KLF13: variants seen among roughly 807,000 people sequenced by gnomAD.
KLF13 encodes the protein KLF transcription factor 13.
A neutral mutation model predicts 16.7 loss-of-function variants in KLF13; 8 were observed. The ratio of observed to expected loss-of-function variants is 0.48; its 90% CI spans 0.28 to 0.87. The LOEUF is 0.87. Among genes scored for constraint, KLF13 ranks in the 40% least tolerant of loss-of-function variants. The probability of loss-of-function intolerance (pLI) is 0.10; values close to 1 mark genes in which losing one functional copy is unlikely to be tolerated. For missense variants in KLF13, 447 were observed against 452.2 expected (o/e 0.99, Z 0.10); for synonymous variants, 245 against 208.4 (o/e 1.18, Z -1.51).
chr15:31,400,020 G>A (rs564596046), intron 2 of KLF13, among the ~76,000 whole-genome samples: 1 of 152,282 alleles, frequency 6.6e-6, no homozygotes, highest in East Asian at 1.9e-4. Flanking sequence ...AAACCCTCAG[G>A]CTGCCGTCAG....
intron 1 of KLF13, among the ~76,000 whole-genome samples, chr15:31,334,573 G>T (rs551828313): frequency 2.0e-5 from 3 of 151,902 alleles, no homozygotes; most frequent in African/African-American, 4.8e-5. Flanking sequence ...GATTACAGGC[G>T]CCTGCCACCG....
rs925494257 is a variant in KLF13 at position 31,327,075 on chromosome 15, C to CGCCCA, written c.-118_-114dup. Reference sequence around the variant, plus strand: ...GCGGGTGACGGCACAGGCGGCTGCGCGCCCAGCCCAGCCCAGCCCAGCCCG... The same window carrying CGCCCA: ...GCGGGTGACGGCACAGGCGGCTGCGCGCCCAGCCCAGCCCAGCCCAGCCCAGCCCG... On this transcript the variant is annotated 5_prime_UTR_variant, in exon 1 of 2. Transcript: ENST00000307145. The CGCCCA allele has an allele frequency of 2.7e-4, 200 of 737,366 alleles. No individual in the cohort carries two copies. The highest frequency in any genetic ancestry group is 7.7e-4 in the African/African-American group (41 of 52,952). The allele number at this position is 737,366 out of a possible 1,614,324, so 45.7% of individuals were successfully genotyped here.
At chr15:31,432,011 G>A (rs181759807) in intron 1 of KLF13, among the ~76,000 whole-genome samples, 2 of 151,894 alleles carry the variant, frequency 1.3e-5, no homozygotes, top group East Asian at 3.9e-4. Flanking sequence ...GATGCAAGTG[G>A]TGGCTACACA....
intron 2 of KLF13, among the ~76,000 whole-genome samples, chr15:31,394,325 C>A (rs963642035): frequency 2.6e-5 from 4 of 151,286 alleles, no homozygotes; most frequent in Non-Finnish European, 5.9e-5. Flanking sequence ...AAAAAAAATA[C>A]AAAAACAAAA....
chr15:31,399,417 G>A (rs959622102), intron 2 of KLF13, among the ~76,000 whole-genome samples: 2 of 152,110 alleles, frequency 1.3e-5, no homozygotes, highest in African/African-American at 4.8e-5. Flanking sequence ...CACCCACCTC[G>A]GCCTCCCAAA....
intron 1 of KLF13, among the ~76,000 whole-genome samples, chr15:31,366,764 G>GTA: frequency 5.5e-4 from 1 of 1,810 alleles, no homozygotes; most frequent in Non-Finnish European, 1.6e-3. Flanking sequence ...ACTGTACTCG[G>GTA]CTGCACGCAG....
chr15:31,367,487 A>G (rs2039492788), intron 1 of KLF13, among the ~76,000 whole-genome samples: 1 of 152,182 alleles, frequency 6.6e-6, no homozygotes, highest in Non-Finnish European at 1.5e-5. Context: ...CCTGGCACCA[A>G]CGTCCCATCC....
In KLF13 at chr15:31,410,621, A is replaced by ACC. The variant is rs1211301158; in HGVS notation, n.117+16931_117+16932insCC. ...CACACACACACACACACACACACAC[A>ACC]CACACCCCTATAACATCAAAGTAAA... On this transcript the variant is annotated intron_variant and non_coding_transcript_variant, in intron 1 of 1. Coordinates refer to the KLF13 transcript ENST00000558225. Among the ~76,000 whole-genome samples the ACC allele has an allele frequency of 7.2e-3, 1,036 of 144,832 alleles. 36 individuals carry two copies. Among genetic ancestry groups the ACC allele is most frequent in the African/African-American group, 0.026 (999 of 38,652 alleles).
At chr15:31,407,726 A>G (rs538624357), downstream of KLF13, among the ~76,000 whole-genome samples, 2 of 152,334 alleles carry the variant, frequency 1.3e-5, no homozygotes, top group African/African-American at 4.8e-5. Flanking sequence ...CCAGGAACTC[A>G]AAGATGATTC....
intron 1 of KLF13, among the ~76,000 whole-genome samples, chr15:31,330,202 A>G (rs2038802068): frequency 6.6e-6 from 1 of 152,220 alleles, no homozygotes. Flanking sequence ...AAGGCAGGGC[A>G]CAAGGTGATG....
downstream of KLF13, among the ~76,000 whole-genome samples, chr15:31,378,724 A>G (rs964424404): frequency 6.6e-6 from 1 of 152,080 alleles, no homozygotes; most frequent in African/African-American, 2.4e-5. Flanking sequence ...TTTTTGAGAC[A>G]CAGTCTCGCT....
At chr15:31,351,739 C>T (rs1402632876) in intron 1 of KLF13, among the ~76,000 whole-genome samples, 5 of 152,130 alleles carry the variant, frequency 3.3e-5, no homozygotes, top group East Asian at 1.9e-4. Flanking sequence ...ACACCGGGCG[C>T]GGTGGCTCAT....
intron 1 of KLF13, among the ~76,000 whole-genome samples, chr15:31,352,022 AAGGG>A (rs2039224720): frequency 6.6e-6 from 1 of 152,024 alleles, no homozygotes; most frequent in Non-Finnish European, 1.5e-5. Context: ...AAAAAAAAAA[AAGGG>A]AGGCGGGGGG....
intron 1 of KLF13, among the ~76,000 whole-genome samples, chr15:31,328,862 A>G (rs1461387127): frequency 6.6e-6 from 1 of 151,952 alleles, no homozygotes; most frequent in Non-Finnish European, 1.5e-5. Context: ...CTTCTGTGAC[A>G]CTCACCTCTT....
chr15:31,368,973 A>G (rs999553117), intron 1 of KLF13, among the ~76,000 whole-genome samples: 5 of 152,210 alleles, frequency 3.3e-5, no homozygotes. Context: ...GGTTACTGCC[A>G]TAAATGAACT....
chr15:31,413,205 AAAAAC>A (rs2040217342), intron 1 of KLF13, among the ~76,000 whole-genome samples: 1 of 134,706 alleles, frequency 7.4e-6, no homozygotes, highest in Non-Finnish European at 1.7e-5. Context: ...AAAAAAAACA[AAAAAC>A]AAAAAAACCA....
chr15:31,414,276 T>C (rs1004319269), intron 1 of KLF13, among the ~76,000 whole-genome samples: 1 of 152,052 alleles, frequency 6.6e-6, no homozygotes, highest in Admixed American at 6.5e-5. Context: ...AAATATTTAC[T>C]TAATGCAGAA....
intron 2 of KLF13, among the ~76,000 whole-genome samples, chr15:31,397,929 G>T (rs2039977973): frequency 6.6e-6 from 1 of 151,876 alleles, no homozygotes; most frequent in African/African-American, 2.4e-5. Context: ...TCTCTCCTGT[G>T]CCTCAGCCTG....
At chr15:31,402,361 G>A (rs2040050145) in intron 2 of KLF13, among the ~76,000 whole-genome samples, 2 of 152,216 alleles carry the variant, frequency 1.3e-5, no homozygotes, top group East Asian at 3.8e-4. Flanking sequence ...CTCTAGGGGT[G>A]GGAGATGAAA....
Sources: allele counts gnomAD v4.1 joint callset (sites outside exome capture counted in the v4.1 genomes callset), GRCh38; gene constraint gnomAD v4.1.1; transcripts MANE v1.5; gene names NCBI Gene and HGNC (gene_info 2026-07-23, HGNC 2026-07-21).